MYZAP: variants seen among roughly 807,000 people sequenced by gnomAD.
MYZAP encodes GRINL1A complex locus upstream.
In MYZAP, 66 loss-of-function variants were observed where a neutral mutation model predicts 69.4. That is an observed-to-expected ratio of 0.95 (90% CI 0.78 to 1.17). MYZAP has a LOEUF of 1.17. MYZAP is among the 50% of genes most tolerant of loss of function. The probability of loss-of-function intolerance (pLI) is 0.00; values close to 1 mark genes in which losing one functional copy is unlikely to be tolerated. For missense variants in MYZAP, 611 were observed against 556.2 expected (o/e 1.10, Z -0.99); for synonymous variants, 256 against 205.9 (o/e 1.24, Z -2.09).
At chr15:57,639,650 C>G in intron 10 of MYZAP, 105 bp downstream of exon 10, 3 of 1,333,866 alleles carry the variant, frequency 2.2e-6, no homozygotes, top group Non-Finnish European at 3.1e-6. Flanking sequence ...GCTCACAAGC[C>G]GAGGTGCTCA....
At chr15:57,599,659 G>A (rs1227031200) in intron 1 of MYZAP, 23 of 1,289,074 alleles carry the variant, frequency 1.8e-5, no homozygotes, top group East Asian at 5.5e-5. Flanking sequence ...TTGTGTATCC[G>A]AGTTTCAGGA....
At chr15:57,657,858 A>G (rs1305890488) in intron 10 of MYZAP, among the ~76,000 whole-genome samples, 2 of 152,178 alleles carry the variant, frequency 1.3e-5, no homozygotes, top group Non-Finnish European at 2.9e-5. Context: ...CTAATTCACA[A>G]TGCCACCTGC....
At chr15:57,593,188 G>GCATGCGCGCGCGCGCGCGCACACA in intron 1 of MYZAP, among the ~76,000 whole-genome samples, 2 of 114,202 alleles carry the variant, frequency 1.8e-5, no homozygotes, top group Middle Eastern at 4.6e-3. Flanking sequence ...GTACACAGGC[G>GCATGCGCGCGCGCGCGCGCACACA]CACACACACA....
chr15:57,632,255 G>T (rs530420950), intron 6 of MYZAP, among the ~76,000 whole-genome samples, 179 bp from the exon 7 acceptor site: 2 of 152,268 alleles, frequency 1.3e-5, no homozygotes, highest in African/African-American at 2.4e-5. Flanking sequence ...TTATTTTTCT[G>T]TGGCTCTGCT....
intron 12 of MYZAP, among the ~76,000 whole-genome samples, chr15:57,675,483 G>C (rs1033339395): frequency 9.2e-5 from 14 of 152,158 alleles, no homozygotes; most frequent in Non-Finnish European, 1.6e-4. Flanking sequence ...AACGGTGTGA[G>C]AGGGGCATCC....
At position 57,629,661 on chromosome 15, in the gene MYZAP, C is replaced by T. The variant is rs7171850; in HGVS notation, c.526-41C>T. On this transcript the variant is annotated intron_variant, in intron 5 of 12. Transcript: ENST00000267853. ...ATGTGGTGCAGCCCATGTGTTTTCA[C>T]GCCACCGGATCTGGTTTTGTTTTTA... 1.1e-3 allele frequency: 1,707 copies of T among 1,594,464 alleles called. 22 individuals carry two copies. The African/African-American group carries it at 0.02, about 19-fold the overall frequency.
chr15:57,621,763 G>T (rs1462044932), intron 4 of MYZAP, 63 bp downstream of exon 4: 2 of 1,501,730 alleles, frequency 1.3e-6, no homozygotes, highest in Non-Finnish European at 1.8e-6. Flanking sequence ...TGGTCCCTCA[G>T]TGGCTAGTGC....
In MYZAP at chr15:57,633,705, C is replaced by A. The variant is rs771663802; in HGVS notation, c.897C>A (p.Ile299=). 2 of 1,612,308 alleles carry A rather than the reference C, an allele frequency of 1.2e-6. No individual in the cohort carries two copies. The highest frequency in any genetic ancestry group is 1.7e-6 in the Non-Finnish European group (2 of 1,179,174). The change falls in exon 8 of 13, where the codon ATC becomes ATA. Residue 299 remains isoleucine, a synonymous_variant. Coordinates refer to ENST00000267853, the MANE Select transcript of MYZAP (RefSeq NM_001018100.5). ...EISLEEKDQR[I]GELDRLIERM... The stretch of plus-strand genomic sequence containing the variant: ...GCCTAGAGGAGAAAGACCAGAGGAT[C>A]GGGGAGCTGGACAGGCTGATTGAGC...
At chr15:57,674,897 A>G in intron 11 of MYZAP, 71 bp from the exon 12 acceptor site, 2 of 1,325,368 alleles carry the variant, frequency 1.5e-6, no homozygotes, top group African/African-American at 1.5e-5. Context: ...TAATACATAT[A>G]AATTGTATCA....
At chr15:57,601,261 C>T (rs185892729) in intron 1 of MYZAP, among the ~76,000 whole-genome samples, 6 of 129,360 alleles carry the variant, frequency 4.6e-5, no homozygotes, top group East Asian at 5.4e-4. Context: ...CATATATGTA[C>T]GTGTGTGCAC....
At position 57,632,557 on chromosome 15, in the gene MYZAP, T is replaced by C. The variant is rs1293965552; in HGVS notation, c.802T>C (p.Leu268=). The change falls in exon 7 of 13, where the codon TTG becomes CTG. Residue 268 remains leucine (L), a splice_region_variant and synonymous_variant. Transcript: ENST00000267853. ...GCACAGTGCTGAGAAGGAGGCTCTT[T>C]TGGTGTGTGTGTTGTAGCTGCCGAT... ...RKHSAEKEAL[L]EETNSFLKAI... 2 of 1,613,992 alleles carry C rather than the reference T, an allele frequency of 1.2e-6. No individual in the cohort carries two copies. The highest frequency in any genetic ancestry group is 2.2e-5 in the East Asian group (1 of 44,882).
chr15:57,663,313 T>C (rs1230513027), intron 11 of MYZAP, among the ~76,000 whole-genome samples: 1 of 151,794 alleles, frequency 6.6e-6, no homozygotes, highest in African/African-American at 2.4e-5. Flanking sequence ...GAAATAGCTA[T>C]GTTGGTTTAT....
chr15:57,649,521 A>G (rs1168812720), intron 10 of MYZAP, among the ~76,000 whole-genome samples: 2 of 152,168 alleles, frequency 1.3e-5, no homozygotes, highest in African/African-American at 4.8e-5. Context: ...ATGGTTGTTC[A>G]TGTCATTTGC....
At chr15:57,606,320 A>C (rs1465862518) in intron 2 of MYZAP, among the ~76,000 whole-genome samples, 1 of 152,192 alleles carries the variant, frequency 6.6e-6, no homozygotes, top group Non-Finnish European at 1.5e-5. Context: ...ATTCATGCCA[A>C]ACTTGTTTAA....
At chr15:57,648,621 G>C in intron 10 of MYZAP, 2 of 245,090 alleles carry the variant, frequency 8.2e-6, no homozygotes, top group South Asian at 3.0e-4. Flanking sequence ...CTGCACTACA[G>C]ACCCAGATCT....
At chr15:57,674,369 C>A (rs1208326691) in intron 11 of MYZAP, among the ~76,000 whole-genome samples, 2 of 152,166 alleles carry the variant, frequency 1.3e-5, no homozygotes, top group African/African-American at 4.8e-5. Context: ...GAATTTTAAT[C>A]CCAAGGAGCT....
intron 12 of MYZAP, among the ~76,000 whole-genome samples, chr15:57,676,585 C>T (rs563889911): frequency 4.0e-5 from 6 of 151,618 alleles, no homozygotes; most frequent in Non-Finnish European, 8.8e-5. Context: ...ATAATTTGGC[C>T]GTTTCCCCCC....
chr15:57,661,315 C>A, intron 10 of MYZAP, 135 bp from the exon 11 acceptor site: 1 of 706,580 alleles, frequency 1.4e-6, no homozygotes, highest in Non-Finnish European at 2.4e-6. Flanking sequence ...AACCATCCAG[C>A]CCCACTGGAA....
At position 57,608,200 on chromosome 15, in the gene MYZAP, C is replaced by A. The variant is rs528252968; in HGVS notation, c.162+3845C>A. On this transcript the variant is annotated intron_variant, in intron 2 of 12. Transcript: ENST00000267853. Reference sequence around the variant, plus strand: ...GAGGGCAGCCTGGGCCTTCCTTAGTCTTTCACACTGTTCTGGGAGGTGTTT... The same window carrying A: ...GAGGGCAGCCTGGGCCTTCCTTAGTATTTCACACTGTTCTGGGAGGTGTTT... Among the ~76,000 whole-genome samples the A allele has an allele frequency of 2.0e-5, 3 of 152,312 alleles. No homozygotes were observed. In the South Asian group the frequency reaches 6.2e-4, roughly 32 times the overall value.
Sources: gnomAD v4.1 joint callset for allele counts (sites outside exome capture counted in the v4.1 genomes callset) on GRCh38, gnomAD v4.1.1 for gene constraint, MANE v1.5 for transcripts, NCBI Gene and HGNC (gene_info 2026-07-23, HGNC 2026-07-21) for gene names.